Variants in ASIC1 observed in about 807,000 individuals in gnomAD.
ASIC1 encodes the protein acid-sensing ion channel 1.
In ASIC1, 21 loss-of-function variants were observed where a neutral mutation model predicts 63.4. The observed-to-expected ratio is 0.33, with a 90% CI of 0.23 to 0.48. ASIC1 has a LOEUF of 0.48. ASIC1 is among the 20% of genes least tolerant of loss of function. The pLI is 0.99. For missense variants in ASIC1, 478 were observed against 695.5 expected, an observed-to-expected ratio of 0.69 and a Z score of 3.52; for synonymous variants, 258 against 278.2, an observed-to-expected ratio of 0.93 and a Z score of 0.72.
rs752257535 is a variant in ASIC1 at position 50,080,486 on chromosome 12, A to G, written c.1206-12A>G. 2 of 1,612,144 alleles carry G rather than the reference A, an allele frequency of 1.2e-6. No homozygotes were observed. Among genetic ancestry groups the G allele is most frequent in the Non-Finnish European group, 8.5e-7 (1 of 1,178,302 alleles). On this transcript the variant is annotated splice_polypyrimidine_tract_variant and intron_variant, in intron 8 of 11. Coordinates refer to ENST00000447966, the MANE Select transcript of ASIC1 (RefSeq NM_001095.4). ...ACTTGAACCTAGGTCTCCTCCCCCA[A>G]TCCCTGTGCAGGGAGAACATCCTGG... is the stretch of plus-strand genomic sequence containing the variant.
Position 50,078,774 on chromosome 12 carries a change from T to A in ASIC1, c.995-150T>A. Reference sequence around the variant, plus strand: ...GGGAAGGGTCTAGAAGGTATGGACCTGGAGTGGGTCACTTCTGGGGCAGCA... The same window carrying A: ...GGGAAGGGTCTAGAAGGTATGGACCAGGAGTGGGTCACTTCTGGGGCAGCA... On this transcript the variant is annotated intron_variant, in intron 6 of 11. Coordinates refer to ENST00000447966, the MANE Select transcript of ASIC1 (RefSeq NM_001095.4). This position sits in a 1 kb window ranked among gnomAD's most constrained non-coding sequence, Gnocchi z 6.0. 7.7e-7 allele frequency: 1 copy of A among 1,301,284 alleles called. No homozygotes were observed. The highest frequency in any genetic ancestry group is 1.2e-5 in the South Asian group (1 of 84,010). The allele number at this position is 1,301,284 out of a possible 1,614,324, so 80.6% of individuals were successfully genotyped here.
In ASIC1 at chr12:50,059,393, T is replaced by A. The variant is rs78076341; in HGVS notation, c.362+265T>A. ...TGAGACATTGTCACCCTCTCTGGAGTGAGCTTTACCTTCATTCTGGCCACT... is the reference window on the plus strand; with the variant it reads ...TGAGACATTGTCACCCTCTCTGGAGAGAGCTTTACCTTCATTCTGGCCACT... On this transcript the variant is annotated intron_variant, in intron 2 of 11. Transcript: ENST00000447966. This position sits in a 1 kb window ranked among gnomAD's most constrained non-coding sequence, Gnocchi z 4.6. Among the ~76,000 whole-genome samples, 789 of 152,190 alleles carry A rather than the reference T, an allele frequency of 5.2e-3. 3 individuals are homozygous for A. The highest frequency in any genetic ancestry group is 0.018 in the African/African-American group (749 of 41,528).
intron 3 of ASIC1, among the ~76,000 whole-genome samples, chr12:50,060,859 A>G (rs1225797551): frequency 1.3e-5 from 2 of 152,240 alleles, no homozygotes; most frequent in East Asian, 3.8e-4. Context: ...AAATGAATGG[A>G]CAATGCTTGT....
chr12:50,081,230 G>A (rs759388728), intron 10 of ASIC1, 30 bp from the exon 11 acceptor site: 3 of 1,604,030 alleles, frequency 1.9e-6, no homozygotes, highest in Non-Finnish European at 1.7e-6. Context: ...GCGGGGTCCA[G>A]CCCGCCCACC....
Position 50,059,246 on chromosome 12 carries a change from C to T in ASIC1, c.362+118C>T. 1 of 1,397,398 alleles carries T rather than the reference C, an allele frequency of 7.2e-7. No individual in the cohort carries two copies. Among genetic ancestry groups the T allele is most frequent in the Non-Finnish European group, 9.6e-7 (1 of 1,044,074 alleles). 86.6% of individuals were successfully genotyped at this position (1,397,398 alleles called of 1,614,324 possible). Reference sequence around the variant, plus strand: ...CCAACCCTGCCCTTTAACCCACCCCCACCCCCAAACCTGCCACTCACAGCA... The same window carrying T: ...CCAACCCTGCCCTTTAACCCACCCCTACCCCCAAACCTGCCACTCACAGCA... On this transcript the variant is annotated intron_variant, in intron 2 of 11. Coordinates refer to ENST00000447966, the MANE Select transcript of ASIC1 (RefSeq NM_001095.4). This position sits in a 1 kb window ranked among gnomAD's most constrained non-coding sequence, Gnocchi z 4.6.
chr12:50,080,543 T>C lies in ASIC1; in HGVS notation c.1251T>C (p.Tyr417=), dbSNP rs781063231. 6.2e-6 allele frequency: 10 copies of C among 1,614,186 alleles called. No individual in the cohort carries two copies. Among genetic ancestry groups the C allele is most frequent in the Non-Finnish European group, 8.5e-6 (10 of 1,180,032 alleles). The part of the protein sequence containing the change: ...VLDIFFEVLN[Y]ETIEQKKAYE... ...ACATTTTCTTTGAAGTCCTCAACTATGAGACCATTGAACAGAAGAAGGCCT... is the reference window on the plus strand; with the variant it reads ...ACATTTTCTTTGAAGTCCTCAACTACGAGACCATTGAACAGAAGAAGGCCT... Residue 417 remains tyrosine (Y), a synonymous_variant, in exon 9 of 12, where the codon TAT becomes TAC. Transcript: ENST00000447966.
At chr12:50,077,141 T>C in intron 3 of ASIC1, 72 bp from the exon 4 acceptor site, 1 of 1,608,434 alleles carries the variant, frequency 6.2e-7, no homozygotes, top group Non-Finnish European at 8.5e-7. Context: ...ACAGCTGGGG[T>C]GGCTAGGAAC....
In ASIC1 at chr12:50,059,976, G is replaced by A. The variant is rs1950486147; in HGVS notation, c.558+22G>A. The A allele has an allele frequency of 1.9e-6, 3 of 1,610,818 alleles. No individual in the cohort carries two copies. The highest frequency in any genetic ancestry group is 2.2e-5 in the South Asian group (2 of 91,034). Reference sequence around the variant, plus strand: ...GGTGGTGAGTCCCCTCGTGTGGGGTGTGAGTCAGCCTGGCCCACAGAGGAG... The same window carrying A: ...GGTGGTGAGTCCCCTCGTGTGGGGTATGAGTCAGCCTGGCCCACAGAGGAG... On this transcript the variant is annotated intron_variant, in intron 3 of 11. Transcript: ENST00000447966. The surrounding 1 kb of genome is among the most constrained non-coding windows in gnomAD (Gnocchi z 4.6).
chr12:50,060,019 C>A, intron 3 of ASIC1, 65 bp downstream of exon 3: 2 of 1,564,766 alleles, frequency 1.3e-6, no homozygotes, highest in Non-Finnish European at 8.7e-7. Context: ...AGACAAGGAG[C>A]AGGCTGGGCC....
At chr12:50,063,722 A>G (rs143917852) in intron 3 of ASIC1, among the ~76,000 whole-genome samples, 57 of 152,208 alleles carry the variant, frequency 3.7e-4, no homozygotes, top group Admixed American at 1.4e-3. Flanking sequence ...CTAGGGAAGT[A>G]AGATGCTGCA....
In ASIC1 at chr12:50,079,922, C is replaced by A. The variant is rs200653479; in HGVS notation, c.1072C>A (p.Gln358Lys). The A allele has an allele frequency of 1.9e-6, 3 of 1,611,046 alleles. No homozygotes were observed. Among genetic ancestry groups the A allele is most frequent in the Non-Finnish European group, 2.5e-6 (3 of 1,178,352 alleles). The change falls in exon 8 of 12, where the codon CAG becomes AAG. Residue 358 changes from glutamine to lysine, a missense_variant. Transcript: ENST00000447966. ...TGCAGACTTCCTGGTGGAGAAGGAC[C>A]AGGAGTACTGCGTGTGTGAAATGCC... Reference protein sequence around the residue: ...PALDFLVEKDQEYCVCEMPCN... With the variant: ...PALDFLVEKDKEYCVCEMPCN...
chr12:50,076,323 C>T (rs1331441155), intron 3 of ASIC1, among the ~76,000 whole-genome samples: 4 of 152,016 alleles, frequency 2.6e-5, no homozygotes, highest in African/African-American at 9.7e-5. Context: ...AAAAATTAGC[C>T]GGGTGTGATG....
At chr12:50,073,725 A>G in intron 3 of ASIC1, 3 of 1,536,528 alleles carry the variant, frequency 2.0e-6, no homozygotes, top group South Asian at 2.4e-5. Context: ...AAGAGAAGGA[A>G]AAGGAGGCAG....
At chr12:50,073,602 C>T in intron 3 of ASIC1, 8 of 1,530,266 alleles carry the variant, frequency 5.2e-6, no homozygotes, top group Non-Finnish European at 7.0e-6. Context: ...TCCAGATCTT[C>T]TGCTCCATGT....
At chr12:50,073,645 T>C (rs1302776584) in intron 3 of ASIC1, 1 of 1,536,178 alleles carries the variant, frequency 6.5e-7, no homozygotes. Context: ...CCCAGGGCCC[T>C]TGGGAGATAT....
intron 3 of ASIC1, among the ~76,000 whole-genome samples, chr12:50,063,040 C>T (rs1950514675): frequency 6.6e-6 from 1 of 152,188 alleles, no homozygotes; most frequent in African/African-American, 2.4e-5. Context: ...TAGCTGCCTC[C>T]TGAGCAACCA....
At chr12:50,066,636 C>G (rs923069426) in intron 3 of ASIC1, among the ~76,000 whole-genome samples, 3 of 152,146 alleles carry the variant, frequency 2.0e-5, no homozygotes, top group Non-Finnish European at 4.4e-5. Flanking sequence ...TGCGTTCATG[C>G]TCAACATCCT....
At chr12:50,071,429 G>C (rs922541202) in intron 3 of ASIC1, among the ~76,000 whole-genome samples, 24 of 151,588 alleles carry the variant, frequency 1.6e-4, no homozygotes, top group African/African-American at 5.6e-4. Context: ...AGCACACCTG[G>C]CTAAATTTTT....
Position 50,081,284 on chromosome 12 carries a change from CGAG to C in ASIC1, c.1405_1407del (p.Gly469del). On this transcript the variant is annotated inframe_deletion, in exon 11 of 12. Transcript: ENST00000447966. Reference sequence around the variant, plus strand: ...GGTCATTAAGCACAAGCTGTGCCGACGAGGAAAATGCCAGAAGGAGGCCAAAAG... The same window carrying C: ...GGTCATTAAGCACAAGCTGTGCCGACGAAAATGCCAGAAGGAGGCCAAAAG... The C allele has an allele frequency of 6.2e-7, 1 of 1,610,060 alleles. No individual in the cohort carries two copies. Among genetic ancestry groups the C allele is most frequent in the East Asian group, 2.2e-5 (1 of 44,728 alleles).
Sources: gnomAD v4.1 joint callset for allele counts (sites outside exome capture counted in the v4.1 genomes callset) on GRCh38, gnomAD v4.1.1 for gene constraint, Gnocchi (gnomAD v3.1) non-coding constraint, MANE v1.5 for transcripts, NCBI Gene and HGNC (gene_info 2026-07-23, HGNC 2026-07-21) for gene names.